Variants in ATP11A observed in about 807,000 individuals in gnomAD.
The protein encoded by ATP11A is ATPase phospholipid transporting 11A, also known as phospholipid-transporting ATPase IH.
ATP11A carries 81 observed loss-of-function variants against 154.4 expected under a neutral mutation model. The observed-to-expected ratio is 0.52, with a 90% CI of 0.44 to 0.63. The LOEUF (loss-of-function observed/expected upper bound fraction) is 0.63, where lower values mean the gene tolerates loss of function less well. Ranked by LOEUF, ATP11A falls within the 30% of genes least tolerant of loss-of-function variation. The pLI, the probability that ATP11A is intolerant of heterozygous loss-of-function variation, is 0.00. For synonymous variants in ATP11A, 623 were observed against 585.9 expected, an observed-to-expected ratio of 1.06 and a Z score of -0.91; for missense variants, 1,316 against 1,474.3, an observed-to-expected ratio of 0.89 and a Z score of 1.76.
At chr13:112,691,920 AC>A (rs1885246720) in intron 1 of ATP11A, among the ~76,000 whole-genome samples, 1 of 151,876 alleles carries the variant, frequency 6.6e-6, no homozygotes, top group South Asian at 2.1e-4. Flanking sequence ...GAGAGAACTC[AC>A]CCCTGGTGAT....
chr13:112,779,364 T>TGAGGAGTAGCCGCTGGAGG (rs2077441055), intron 1 of ATP11A, among the ~76,000 whole-genome samples: 1 of 117,046 alleles, frequency 8.5e-6, no homozygotes, highest in Admixed American at 8.7e-5. Flanking sequence ...GCCGCTGGAG[T>TGAGGAGTAGCCGCTGGAGG]GAGGAGTAGC....
intron 9 of ATP11A, among the ~76,000 whole-genome samples, chr13:112,823,660 G>A (rs778555743): frequency 1.8e-4 from 27 of 152,370 alleles, no homozygotes; most frequent in African/African-American, 4.8e-4. Flanking sequence ...CATTGCATCC[G>A]TGAAGGAATT....
At chr13:112,831,590 G>A in intron 13 of ATP11A, 42 bp downstream of exon 13, 13 of 1,598,276 alleles carry the variant, frequency 8.1e-6, no homozygotes, top group Non-Finnish European at 1.1e-5. Flanking sequence ...GTGAGTGAGT[G>A]GGCGGCTGTG....
At chr13:112,763,409 A>G (rs373660677) in intron 1 of ATP11A, among the ~76,000 whole-genome samples, 3 of 152,296 alleles carry the variant, frequency 2.0e-5, no homozygotes, top group Middle Eastern at 3.4e-3. Flanking sequence ...TAAGTTTCCA[A>G]CCTGACTCTA....
intron 17 of ATP11A, among the ~76,000 whole-genome samples, chr13:112,846,588 G>A (rs1594162566): frequency 1.3e-5 from 2 of 152,142 alleles, no homozygotes; most frequent in Admixed American, 6.5e-5. Context: ...GGCAGTGACT[G>A]TTTAAATCCT....
At position 112,851,099 on chromosome 13, in the gene ATP11A, T is replaced by C. The variant is rs911382515; in HGVS notation, c.1872T>C (p.Ile624=). ...KRLIQEEYEG[I]CKLLQAAKVA... ...TGATCCAAGAAGAATATGAAGGCAT[T>C]TGTAAGCTGCTGCAGGCTGCCAAAG... The change falls in exon 18 of 30, where the codon ATT becomes ATC. Residue 624 remains isoleucine (I), a synonymous_variant. Transcript: ENST00000375645. 6.2e-7 allele frequency: 1 copy of C among 1,614,106 alleles called. No individual in the cohort carries two copies. Among genetic ancestry groups the C allele is most frequent in the Non-Finnish European group, 8.5e-7 (1 of 1,180,038 alleles).
chr13:112,710,032 T>C (rs1887564417), intron 1 of ATP11A, among the ~76,000 whole-genome samples: 1 of 152,244 alleles, frequency 6.6e-6, no homozygotes, highest in African/African-American at 2.4e-5. Flanking sequence ...GCCTGCACTC[T>C]GCCCTGGAGC....
intron 25 of ATP11A, among the ~76,000 whole-genome samples, chr13:112,868,727 CAT>C (rs1259709609): frequency 1.3e-5 from 2 of 152,200 alleles, no homozygotes; most frequent in South Asian, 2.1e-4. Context: ...ACTATCCGCA[CAT>C]GTTAGTCCAT....
intron 1 of ATP11A, among the ~76,000 whole-genome samples, chr13:112,715,954 G>A (rs1388637141): frequency 3.3e-5 from 5 of 152,120 alleles, no homozygotes; most frequent in Admixed American, 6.5e-5. Context: ...TCTGAGGGAT[G>A]GTAGTGGCTG....
At chr13:112,867,267 C>T (rs549573448) in intron 25 of ATP11A, among the ~76,000 whole-genome samples, 2 of 152,384 alleles carry the variant, frequency 1.3e-5, no homozygotes, top group Non-Finnish European at 2.9e-5. Flanking sequence ...ACAGACTAGA[C>T]ACCCTGTGCG....
rs1044883381 is a variant in ATP11A at position 112,838,013 on chromosome 13, A to G, written c.1705+1762A>G. On this transcript the variant is annotated intron_variant, in intron 16 of 29. Transcript: ENST00000375645. This position sits in a 1 kb window ranked among gnomAD's most constrained non-coding sequence, Gnocchi z 7.3. ...CACAGCATCACCTCTGAGACACGCCATCAAATGTGGGATGAATCCAGGCTC... is the reference window on the plus strand; with the variant it reads ...CACAGCATCACCTCTGAGACACGCCGTCAAATGTGGGATGAATCCAGGCTC... Among the ~76,000 whole-genome samples, 1 of 152,118 alleles carries G rather than the reference A, an allele frequency of 6.6e-6. No individual in the cohort carries two copies. Among genetic ancestry groups the G allele is most frequent in the Admixed American group, 6.5e-5 (1 of 15,284 alleles).
intron 16 of ATP11A, among the ~76,000 whole-genome samples, chr13:112,840,121 TC>T (rs2079356048): frequency 7.2e-6 from 1 of 138,978 alleles, no homozygotes; most frequent in East Asian, 2.2e-4. Flanking sequence ...AGCCTCAGCC[TC>T]CCCACTCTCC....
intron 25 of ATP11A, among the ~76,000 whole-genome samples, chr13:112,865,561 T>G (rs1172968261): frequency 6.6e-6 from 1 of 152,224 alleles, no homozygotes; most frequent in East Asian, 1.9e-4. Context: ...TTTTTGTTGT[T>G]GTTGTTGAGA....
intron 25 of ATP11A, among the ~76,000 whole-genome samples, chr13:112,868,830 A>C (rs565508872): frequency 6.6e-6 from 1 of 152,312 alleles, no homozygotes; most frequent in South Asian, 2.1e-4. Context: ...CTGCATAGGA[A>C]GCATCGCTGG....
At chr13:112,695,764 T>A (rs532849343) in intron 1 of ATP11A, among the ~76,000 whole-genome samples, 27 of 152,350 alleles carry the variant, frequency 1.8e-4, no homozygotes, top group African/African-American at 6.5e-4. Context: ...ATACAAATTG[T>A]TCTCTGGTGC....
chr13:112,863,685 A>T (rs2080207523), intron 25 of ATP11A, among the ~76,000 whole-genome samples: 1 of 141,030 alleles, frequency 7.1e-6, no homozygotes, highest in Non-Finnish European at 1.5e-5. Context: ...CTGCGCAGTA[A>T]TTCAGTGCAG....
At chr13:112,823,465 A>G in intron 9 of ATP11A, 56 bp downstream of exon 9, 1 of 1,447,342 alleles carries the variant, frequency 6.9e-7, no homozygotes, top group Non-Finnish European at 9.6e-7. Flanking sequence ...TGCATGAAGC[A>G]AAAGTTAAAA....
At position 112,730,238 on chromosome 13, in the gene ATP11A, T is replaced by C. The variant is rs1594452550; in HGVS notation, c.39+39783T>C. On this transcript the variant is annotated intron_variant, in intron 1 of 29. Transcript: ENST00000375645. ...CGGAGGAGTCCAATCTGCCAGGACA[T>C]GGGCAGCCGCAGAGCTTCTGTACCG... is the stretch of plus-strand genomic sequence containing the variant. Among the ~76,000 whole-genome samples the C allele has an allele frequency of 2.6e-5, 4 of 152,310 alleles. No homozygotes were observed. The South Asian group carries it at 8.3e-4, about 32-fold the overall frequency.
In ATP11A at chr13:112,785,480, C is replaced by T. The variant is rs2077602417; in HGVS notation, c.162+223C>T. ...CTTTCCACCTGCCCAGGGCTCACAG[C>T]GCAGTGTCTCCATTCTCGGGTGACC... is the stretch of plus-strand genomic sequence containing the variant. On this transcript the variant is annotated intron_variant, in intron 2 of 29. Coordinates refer to ENST00000375645, the MANE Select transcript of ATP11A (RefSeq NM_015205.3). This position sits in a 1 kb window ranked among gnomAD's most constrained non-coding sequence, Gnocchi z 4.8. Among the ~76,000 whole-genome samples, 1 of 152,040 alleles carries T rather than the reference C, an allele frequency of 6.6e-6. No homozygotes were observed. Among genetic ancestry groups the T allele is most frequent in the African/African-American group, 2.4e-5 (1 of 41,422 alleles).
Sources: allele counts gnomAD v4.1 joint callset (sites outside exome capture counted in the v4.1 genomes callset), GRCh38; gene constraint gnomAD v4.1.1; non-coding constraint Gnocchi (gnomAD v3.1); transcripts MANE v1.5; gene names NCBI Gene and HGNC (gene_info 2026-07-23, HGNC 2026-07-21).